The following LRRC75B variants were observed in gnomAD, a reference collection of about 807,000 sequenced individuals.
LRRC75B encodes leucine-rich repeat-containing protein 75B.
LRRC75B carries 20 observed loss-of-function variants against 16.5 expected under a neutral mutation model. The observed-to-expected ratio is 1.21, with a 90% CI of 0.85 to 1.76. The LOEUF is 1.76. Among genes scored for constraint, LRRC75B ranks in the 40% most tolerant of loss-of-function variants. LRRC75B has a pLI of 0.00. For missense variants in LRRC75B, 406 were observed against 417.0 expected, an observed-to-expected ratio of 0.97 and a Z score of 0.23; for synonymous variants, 199 against 198.1, an observed-to-expected ratio of 1.00 and a Z score of -0.04.
rs1415599880 is a variant in LRRC75B, at chr22:24,585,778, T to C, written c.*108A>G. The C allele has an allele frequency of 8.6e-7, 1 of 1,165,094 alleles. No individual in the cohort carries two copies. Among genetic ancestry groups the C allele is most frequent in the African/African-American group, 1.6e-5 (1 of 64,414 alleles). 72.2% of individuals were successfully genotyped at this position (1,165,094 alleles called of 1,614,324 possible). A position where few individuals can be genotyped will look rare whatever the true frequency, so the allele number is the denominator to read the frequency against. ...GTCCCCTTAATCTCAGGCTGAGCAT[T>C]TACACTGGATTTCTGGGGGCCTGTG... On this transcript the variant is annotated 3_prime_UTR_variant, in exon 4 of 4. Coordinates refer to ENST00000318753, the MANE Select transcript of LRRC75B (RefSeq NM_207644.3).
rs1007290461 is a variant in LRRC75B at position 24,585,972 on chromosome 22, C to T, written c.862G>A (p.Ala288Thr). ...GAGGCAGGGGTGGTGGCCCCGGCCG[C>T]ACTGCCCTCAGGCTCAAGGTCCAGG... ...EGLDLEPEGS[A>T]AGATTPASTW... Residue 288 changes from alanine to threonine, a missense_variant, in exon 4 of 4, where the codon GCG becomes ACG. By Grantham distance (58) the Ala-to-Thr change is moderately conservative. Transcript: ENST00000318753. The T allele has an allele frequency of 3.2e-5, 51 of 1,610,010 alleles. No individual in the cohort carries two copies. Among genetic ancestry groups the T allele is most frequent in the Non-Finnish European group, 4.2e-5 (49 of 1,179,784 alleles).
In LRRC75B at chr22:24,585,750, T is replaced by C. The variant is rs1194934208; in HGVS notation, c.*136A>G. 1.0e-6 allele frequency: 1 copy of C among 1,001,060 alleles called. No individual in the cohort carries two copies. The highest frequency in any genetic ancestry group is 2.6e-5 in the East Asian group (1 of 38,060). The allele number at this position is 1,001,060 out of a possible 1,614,324, so 62.0% of individuals were successfully genotyped here. On this transcript the variant is annotated 3_prime_UTR_variant, in exon 4 of 4. Coordinates refer to ENST00000318753, the MANE Select transcript of LRRC75B (RefSeq NM_207644.3). ...ACCTGGCCACCTATGAGTCCATTCT[T>C]CTGTCCCCTTAATCTCAGGCTGAGC...
chr22:24,588,416 G>T, intron 2 of LRRC75B, 87 bp from the exon 3 acceptor site: 1 of 1,027,226 alleles, frequency 9.7e-7, no homozygotes, highest in Non-Finnish European at 1.5e-6. Flanking sequence ...GCAGCCAAGT[G>T]TGTGTGTGAG....
chr22:24,592,048 C>T (rs2045583704), intron 1 of LRRC75B, among the ~76,000 whole-genome samples: 2 of 152,200 alleles, frequency 1.3e-5, no homozygotes, highest in African/African-American at 2.4e-5. Flanking sequence ...CTACCTTCTG[C>T]AGGCCGAACA....
At chr22:24,592,482 C>CCTTGTATTGAG in intron 1 of LRRC75B, 2 of 455,572 alleles carry the variant, frequency 4.4e-6, no homozygotes, top group Non-Finnish European at 9.2e-6. Flanking sequence ...GATTTGACCT[C>CCTTGTATTGAG]ACTTGCCACT....
chr22:24,588,634 A>G, intron 2 of LRRC75B: 2 of 1,103,436 alleles, frequency 1.8e-6, no homozygotes. Context: ...GTCTCGGGCT[A>G]TCAGCCGGCT....
rs1158880171 is a variant in LRRC75B, at chr22:24,586,123, C to G, written c.711G>C (p.Lys237Asn). ...KLTDAIKDTT[K>N]FPALAWVDLG... is the part of the protein sequence containing the mutation. ...GGTCCACCCAAGCCAAAGCAGGGAA[C>G]TTGGTGGTGTCCTTGATGGCATCAG... The change falls in exon 4 of 4, where the codon AAG (lysine) becomes AAC (asparagine). Residue 237 changes from lysine (K) to asparagine (N), a missense_variant. Lys to Asn is a moderately conservative substitution (Grantham distance 94, BLOSUM62 0). Coordinates refer to ENST00000318753, the MANE Select transcript of LRRC75B (RefSeq NM_207644.3). 2.5e-6 allele frequency: 4 copies of G among 1,613,094 alleles called. No homozygotes were observed. The highest frequency in any genetic ancestry group is 3.4e-6 in the Non-Finnish European group (4 of 1,179,982).
chr22:24,586,163 G>C lies in LRRC75B; in HGVS notation c.671C>G (p.Thr224Ser). ...LLNGNRLTRA[T>S]ARKLTDAIKD... ...GATGGCATCAGTGAGCTTGCGGGCA[G>C]TGGCCCGCGTCAGTCGGTTGCCGTT... Residue 224 changes from threonine (T) to serine (S), a missense_variant, in exon 4 of 4, where the codon ACT (threonine) becomes AGT (serine). Physicochemically the swap from Thr to Ser is moderately conservative, Grantham distance 58 (BLOSUM62 1). Coordinates refer to ENST00000318753, the MANE Select transcript of LRRC75B (RefSeq NM_207644.3). The C allele has an allele frequency of 6.2e-7, 1 of 1,613,522 alleles. No individual in the cohort carries two copies. The highest frequency in any genetic ancestry group is 8.5e-7 in the Non-Finnish European group (1 of 1,179,974).
At position 24,593,015 on chromosome 22, in the gene LRRC75B, C is replaced by A; in HGVS notation, c.25G>T (p.Ala9Ser). MGARLGRR[A>S]GPEAGSEAGA... ...GCCTCAGAGCCAGCCTCGGGCCCGG[C>A]CCGCCGGCCCAGCCGCGCCCCCATG... The change falls in exon 1 of 4, where the codon GCC becomes TCC. Residue 9 changes from alanine to serine, a missense_variant. Ala to Ser is a moderately conservative substitution (Grantham distance 99). Transcript: ENST00000318753. 2 of 1,091,506 alleles carry A rather than the reference C, an allele frequency of 1.8e-6. No individual in the cohort carries two copies. Among genetic ancestry groups the A allele is most frequent in the Middle Eastern group, 4.0e-4 (1 of 2,488 alleles). 67.6% of individuals were successfully genotyped at this position (1,091,506 alleles called of 1,614,324 possible). A position where few individuals can be genotyped will look rare whatever the true frequency, so the allele number is the denominator to read the frequency against.
chr22:24,586,592 C>T (rs2045401260), intron 3 of LRRC75B, among the ~76,000 whole-genome samples, 181 bp from the exon 4 acceptor site: 1 of 152,248 alleles, frequency 6.6e-6, no homozygotes, highest in African/African-American at 2.4e-5. Context: ...AGTGCAGTGG[C>T]ACAATCTCGG....
chr22:24,588,578 C>A (rs2045471746), intron 2 of LRRC75B: 1 of 891,822 alleles, frequency 1.1e-6, no homozygotes, highest in African/African-American at 1.7e-5. Context: ...CGGGAGGAAG[C>A]CCAGACAATG....
intron 3 of LRRC75B, among the ~76,000 whole-genome samples, chr22:24,587,461 C>T (rs2045430059): frequency 6.6e-6 from 1 of 152,224 alleles, no homozygotes; most frequent in Non-Finnish European, 1.5e-5. Flanking sequence ...CCAGCCATGG[C>T]AGGGAACAAC....
In LRRC75B at chr22:24,585,887, C is replaced by T; in HGVS notation, c.947G>A (p.Ter316=). Residue 316 remains the stop codon, a stop_retained_variant, in exon 4 of 4, where the codon TGA becomes TAA. Transcript: ENST00000318753. ...GCAATGAGCCAGGTGGGTGGTGGGT[C>T]ACCTGGCACAGCAGGCCTGGGGCTC... is the stretch of plus-strand genomic sequence containing the variant. ...GPEPQACCAR[*] The T allele has an allele frequency of 6.3e-7, 1 of 1,578,192 alleles. No homozygotes were observed.
intron 3 of LRRC75B, among the ~76,000 whole-genome samples, chr22:24,588,007 C>T (rs540126348): frequency 2.0e-5 from 3 of 152,234 alleles, no homozygotes; most frequent in East Asian, 3.9e-4. Context: ...AAATGCCAAA[C>T]GGGTCACTCA....
chr22:24,588,759 A>C (rs1031894789), intron 2 of LRRC75B: 42 of 1,032,752 alleles, frequency 4.1e-5, no homozygotes, highest in Non-Finnish European at 4.9e-5. Flanking sequence ...GGAACAAGCC[A>C]GGTCAGCGTG....
chr22:24,591,184 A>G (rs2045557264), intron 1 of LRRC75B, among the ~76,000 whole-genome samples: 1 of 152,200 alleles, frequency 6.6e-6, no homozygotes, highest in Admixed American at 6.5e-5. Flanking sequence ...GGTTCAAGCA[A>G]TTCTCCTGCC....
chr22:24,590,267 A>G (rs1267990612), intron 1 of LRRC75B, among the ~76,000 whole-genome samples: 5 of 152,150 alleles, frequency 3.3e-5, no homozygotes, highest in African/African-American at 1.2e-4. Context: ...AGCTGGGGCT[A>G]TAGACAGGCA....
chr22:24,592,134 G>A (rs1301080076), intron 1 of LRRC75B: 2 of 381,230 alleles, frequency 5.2e-6, no homozygotes, highest in Non-Finnish European at 1.1e-5. Flanking sequence ...GGGACGGGGT[G>A]GTGAGGGAAG....
intron 2 of LRRC75B, chr22:24,588,691 A>C: frequency 9.1e-7 from 1 of 1,093,346 alleles, no homozygotes; most frequent in Non-Finnish European, 1.1e-6. Flanking sequence ...CAGGGGGAGG[A>C]GGCCAGACCA....
Sources: allele counts gnomAD v4.1 joint callset (sites outside exome capture counted in the v4.1 genomes callset), GRCh38; gene constraint gnomAD v4.1.1; transcripts MANE v1.5; gene names NCBI Gene and HGNC (gene_info 2026-07-23, HGNC 2026-07-21).